PDE3B: variants seen among roughly 807,000 people sequenced by gnomAD.
PDE3B encodes the protein phosphodiesterase 3B.
A neutral mutation model predicts 116.8 loss-of-function variants in PDE3B; 66 were observed. That is an observed-to-expected ratio of 0.56 (90% CI 0.46 to 0.69). The LOEUF (loss-of-function observed/expected upper bound fraction) is 0.69, where lower values mean the gene tolerates loss of function less well. PDE3B is among the 30% of genes least tolerant of loss of function. The pLI, the probability that PDE3B is intolerant of heterozygous loss-of-function variation, is 0.00. For missense variants in PDE3B, 1,384 were observed against 1,368.1 expected (o/e 1.01, Z -0.18); for synonymous variants, 595 against 533.6 (o/e 1.12, Z -1.59).
chr11:14,652,342 C>T (rs557434289), intron 1 of PDE3B, among the ~76,000 whole-genome samples: 3 of 152,060 alleles, frequency 2.0e-5, no homozygotes, highest in African/African-American at 4.8e-5. Flanking sequence ...TAGGTCTATA[C>T]GTCTGTGTTT....
intron 1 of PDE3B, among the ~76,000 whole-genome samples, chr11:14,769,227 T>G (rs911683132): frequency 1.3e-4 from 19 of 151,376 alleles, no homozygotes; most frequent in African/African-American, 3.1e-4. Context: ...GTCTGTAATA[T>G]TGTAATACTA....
In PDE3B at chr11:14,770,803, G is replaced by A. The variant is rs192070135; in HGVS notation, c.979-1134G>A. 1.9e-3 allele frequency among the ~76,000 whole-genome samples: 291 copies of A among 151,666 alleles called. 1 individual carries two copies. The highest frequency in any genetic ancestry group is 6.4e-3 in the African/African-American group (267 of 41,504). On this transcript the variant is annotated intron_variant, in intron 1 of 15. Transcript: ENST00000282096. ...TTACGTTCTGCAAGGATATTGATGAGGAGATGGTGATAATGATAATTGACA... is the reference window on the plus strand; with the variant it reads ...TTACGTTCTGCAAGGATATTGATGAAGAGATGGTGATAATGATAATTGACA...
intron 1 of PDE3B, among the ~76,000 whole-genome samples, chr11:14,707,937 T>A (rs1480144093): frequency 6.6e-6 from 1 of 152,044 alleles, no homozygotes; most frequent in Non-Finnish European, 1.5e-5. Flanking sequence ...TTAAGTAGAT[T>A]AGAAAAGTAT....
intron 12 of PDE3B, among the ~76,000 whole-genome samples, chr11:14,849,610 G>C (rs1488233626): frequency 6.6e-6 from 1 of 152,124 alleles, no homozygotes; most frequent in African/African-American, 2.4e-5. Flanking sequence ...TTAATATCCA[G>C]AATCTACAAT....
At chr11:14,721,737 T>A (rs371470802) in intron 1 of PDE3B, among the ~76,000 whole-genome samples, 8 of 29,198 alleles carry the variant, frequency 2.7e-4, no homozygotes, top group East Asian at 1.0e-3. Flanking sequence ...GATCACATGG[T>A]CACAGGAAGG....
chr11:14,819,198 G>C lies in PDE3B; in HGVS notation c.1796G>C (p.Ser599Thr). ...TSESDGTDCC[S>T]GKSGEEENIF... ...GAATCAGATGGTACAGATTGCTGCA[G>C]TGGAAAATCAGGTGAGATTACAAAA... is the stretch of plus-strand genomic sequence containing the variant. The change falls in exon 7 of 16, where the codon AGT becomes ACT. Residue 599 changes from serine to threonine, a missense_variant. Coordinates refer to ENST00000282096, the MANE Select transcript of PDE3B (RefSeq NM_000922.4). The C allele has an allele frequency of 6.3e-7, 1 of 1,586,438 alleles. No homozygotes were observed. The highest frequency in any genetic ancestry group is 8.6e-7 in the Non-Finnish European group (1 of 1,160,828).
downstream of PDE3B, among the ~76,000 whole-genome samples, chr11:14,874,931 G>C (rs1168805312): frequency 6.6e-6 from 1 of 152,142 alleles, no homozygotes; most frequent in East Asian, 1.9e-4. Flanking sequence ...CTGTTTAACA[G>C]TTTAGGCGCT....
At chr11:14,738,431 C>A (rs1352067771) in intron 1 of PDE3B, among the ~76,000 whole-genome samples, 2 of 152,218 alleles carry the variant, frequency 1.3e-5, no homozygotes, top group East Asian at 3.8e-4. Context: ...TGAGAAGTGT[C>A]TGTTCATATC....
At chr11:14,694,261 A>G (rs766299742) in intron 1 of PDE3B, among the ~76,000 whole-genome samples, 3 of 152,206 alleles carry the variant, frequency 2.0e-5, no homozygotes, top group African/African-American at 7.2e-5. Context: ...CTTAGTGGAT[A>G]AAGCAGTGGC....
At chr11:14,783,103 G>A (rs1796416792) in intron 2 of PDE3B, among the ~76,000 whole-genome samples, 1 of 152,112 alleles carries the variant, frequency 6.6e-6, no homozygotes, top group African/African-American at 2.4e-5. Context: ...AAAAAGTCAG[G>A]GAACAACAGG....
intron 2 of PDE3B, among the ~76,000 whole-genome samples, chr11:14,778,303 C>T (rs562830047): frequency 5.3e-5 from 8 of 152,274 alleles, no homozygotes; most frequent in African/African-American, 1.2e-4. Flanking sequence ...TGTCTGACAG[C>T]GTTGAAGAGA....
chr11:14,723,810 C>T (rs778888960), intron 1 of PDE3B, among the ~76,000 whole-genome samples: 20 of 151,186 alleles, frequency 1.3e-4, no homozygotes, highest in Non-Finnish European at 2.7e-4. Flanking sequence ...TGTTGAAGAG[C>T]AATGGTATGC....
At chr11:14,742,405 A>C (rs1856799197) in intron 1 of PDE3B, among the ~76,000 whole-genome samples, 1 of 152,076 alleles carries the variant, frequency 6.6e-6, no homozygotes, top group African/African-American at 2.4e-5. Context: ...TGCTTCATGA[A>C]GTTCTTGTGC....
chr11:14,729,364 T>C (rs1313641767), intron 1 of PDE3B, among the ~76,000 whole-genome samples: 1 of 152,260 alleles, frequency 6.6e-6, no homozygotes, highest in Non-Finnish European at 1.5e-5. Context: ...ATTGTGCTTA[T>C]TTTTACAGTG....
intron 7 of PDE3B, among the ~76,000 whole-genome samples, chr11:14,824,928 C>T (rs750334155): frequency 4.0e-5 from 6 of 151,782 alleles, no homozygotes; most frequent in Non-Finnish European, 8.8e-5. Flanking sequence ...TAACAGTGGA[C>T]ATCTCAGCAG....
the PDE3B span, chr11:14,878,218 A>G: frequency 1.2e-6 from 2 of 1,613,312 alleles, no homozygotes; most frequent in East Asian, 2.2e-5. Flanking sequence ...GAAAATGCAA[A>G]TGAAACCTCT....
chr11:14,761,524 T>C (rs1857358939), intron 1 of PDE3B, among the ~76,000 whole-genome samples: 1 of 152,166 alleles, frequency 6.6e-6, no homozygotes, highest in Non-Finnish European at 1.5e-5. Flanking sequence ...TAAAGTTTTT[T>C]CTCAAAATGT....
At chr11:14,676,039 A>G (rs1451651371) in intron 1 of PDE3B, among the ~76,000 whole-genome samples, 1 of 152,112 alleles carries the variant, frequency 6.6e-6, no homozygotes, top group African/African-American at 2.4e-5. Context: ...ATCCTCACTA[A>G]CATTTGATGT....
At position 14,786,552 on chromosome 11, in the gene PDE3B, G is replaced by T. The variant is rs200839391; in HGVS notation, c.1145G>T (p.Ser382Ile). Residue 382 changes from serine (S) to isoleucine (I), a missense_variant, in exon 3 of 16, where the codon AGT becomes ATT. Ser to Ile is a moderately radical substitution (Grantham distance 142). Coordinates refer to ENST00000282096, the MANE Select transcript of PDE3B (RefSeq NM_000922.4). ...LPPQVISSLR[S>I]ISSLMGAFSG... Reference sequence around the variant, plus strand: ...CCACAAGTCATTTCCTCTCTACGGAGTATTAGTAGCTTAATGGGTGCTTTC... The same window carrying T: ...CCACAAGTCATTTCCTCTCTACGGATTATTAGTAGCTTAATGGGTGCTTTC... 8.7e-6 allele frequency: 14 copies of T among 1,613,158 alleles called. No homozygotes were observed. Among genetic ancestry groups the T allele is most frequent in the Non-Finnish European group, 1.1e-5 (13 of 1,179,422 alleles).
Sources: gnomAD v4.1 joint callset for allele counts (sites outside exome capture counted in the v4.1 genomes callset) on GRCh38, gnomAD v4.1.1 for gene constraint, MANE v1.5 for transcripts, NCBI Gene and HGNC (gene_info 2026-07-23, HGNC 2026-07-21) for gene names.